Variants in GAB3 observed in about 807,000 individuals in gnomAD.
The protein encoded by GAB3 is GRB2 associated binding protein 3.
A neutral mutation model predicts 40.4 loss-of-function variants in GAB3; 12 were observed. The observed-to-expected ratio is 0.30, with a 90% confidence interval of 0.19 to 0.48. The LOEUF (loss-of-function observed/expected upper bound fraction) is 0.48. Ranked by LOEUF, GAB3 falls within the 20% of genes least tolerant of loss-of-function variation. GAB3 has a pLI of 0.99. For missense variants in GAB3, 381 were observed against 461.9 expected (o/e 0.82, Z 1.61); for synonymous variants, 154 against 176.7 (o/e 0.87, Z 1.02).
At chrX:154,682,543 G>A (rs1287834269) in intron 8 of GAB3, among the ~76,000 whole-genome samples, 5 of 111,140 alleles carry the variant, frequency 4.5e-5, no homozygotes, top group Non-Finnish European at 7.6e-5. Context: ...TCTATCAAAT[G>A]CTTTTTCTGC....
rs782654211 is a variant in GAB3, at chrX:154,699,327, G to C, written c.1312C>G (p.Pro438Ala). The change falls in exon 6 of 10, where the codon CCA becomes GCA. Residue 438 changes from proline to alanine, a missense_variant. Pro to Ala is a conservative substitution (Grantham distance 27). Around this residue, in one of 2 missense-constraint regions of GAB3, gnomAD observed 364 missense variants for 421.0 expected, o/e 0.86. Coordinates refer to ENST00000424127, the MANE Select transcript of GAB3 (RefSeq NM_001081573.3). ...TGAGGCTTGAGATCTCTATTCACTG[G>C]GGGAGGTTCCAGGTTTGCAGGCAGC... ...PELPANLEPP[P>A]VNRDLKPQRK... 1 of 1,210,417 alleles carries C rather than the reference G, an allele frequency of 8.3e-7. No individual in the cohort carries two copies. Among genetic ancestry groups the C allele is most frequent in the Admixed American group, 2.2e-5 (1 of 46,019 alleles).
chrX:154,740,772 ATATC>A lies in GAB3; in HGVS notation c.72+10178_72+10181del, dbSNP rs782107896. On this transcript the variant is annotated intron_variant, in intron 1 of 9. Transcript: ENST00000424127. ...CCATAACAGGAAAGAATTAAAGTAG[ATATC>A]TATCAACAGAATTCTCACTTAAGCT... Among the ~76,000 whole-genome samples, 14 of 112,085 alleles carry A rather than the reference ATATC, an allele frequency of 1.2e-4. No individual in the cohort carries two copies. In the East Asian group the frequency reaches 3.1e-3, roughly 25 times the overall value.
At chrX:154,691,547 T>G (rs1375135219) in intron 8 of GAB3, among the ~76,000 whole-genome samples, 2 of 112,175 alleles carry the variant, frequency 1.8e-5, no homozygotes, top group African/African-American at 6.5e-5. Context: ...AATGAAAAGA[T>G]ATCTGTGTTC....
intron 1 of GAB3, among the ~76,000 whole-genome samples, chrX:154,724,385 A>AATAT (rs2071182070): frequency 9.1e-6 from 1 of 109,505 alleles, no homozygotes; most frequent in Non-Finnish European, 1.9e-5. Context: ...TAAATAAATA[A>AATAT]AAATAAAATG....
At chrX:154,680,023 G>T in intron 9 of GAB3, 109 bp downstream of exon 9, 1 of 538,539 alleles carries the variant, frequency 1.9e-6, no homozygotes. Context: ...CATTATACAT[G>T]TCTGCATTTT....
intron 1 of GAB3, among the ~76,000 whole-genome samples, chrX:154,719,527 G>A (rs1179015651): frequency 3.6e-5 from 4 of 112,052 alleles, no homozygotes; most frequent in South Asian, 3.7e-4. Flanking sequence ...AAAACTTTGC[G>A]TAAGTAGTTC....
chrX:154,742,922 T>C (rs1557261494), intron 1 of GAB3, among the ~76,000 whole-genome samples: 1 of 107,969 alleles, frequency 9.3e-6, no homozygotes, highest in Non-Finnish European at 1.9e-5. Flanking sequence ...TGCATAACTG[T>C]ATAAATTTAC....
At chrX:154,733,204 T>C (rs929589030) in intron 1 of GAB3, among the ~76,000 whole-genome samples, 2 of 112,196 alleles carry the variant, frequency 1.8e-5, no homozygotes, top group African/African-American at 6.5e-5. Context: ...GTCCAGAATA[T>C]GTCAATATGC....
In GAB3 at chrX:154,712,239, T is replaced by C; in HGVS notation, c.1059A>G (p.Arg353=). The change falls in exon 4 of 10, where the codon AGA becomes AGG. Residue 353 remains arginine, a synonymous_variant. Transcript: ENST00000424127. ...RISLSGLDNM[R]TWKADVEGQS... ...GGACCCAACACTTACCTTTCCAGGT[T>C]CTCATGTTGTCTAAACCAGAGAGGG... 8.5e-7 allele frequency: 1 copy of C among 1,183,017 alleles called. No individual in the cohort carries two copies. The highest frequency in any genetic ancestry group is 1.1e-6 in the Non-Finnish European group (1 of 877,693).
intron 4 of GAB3, among the ~76,000 whole-genome samples, chrX:154,708,126 GGA>G (rs2070842624): frequency 8.9e-6 from 1 of 112,008 alleles, no homozygotes; most frequent in Non-Finnish European, 1.9e-5. Flanking sequence ...AATGGAGAAA[GGA>G]GAGTCTCTTC....
At chrX:154,709,514 T>C (rs2070886424) in intron 4 of GAB3, among the ~76,000 whole-genome samples, 1 of 109,202 alleles carries the variant, frequency 9.2e-6, no homozygotes, top group Non-Finnish European at 1.9e-5. Flanking sequence ...GAGACAGGGT[T>C]CCACCATATT....
chrX:154,702,002 G>GA (rs1335015449), intron 4 of GAB3, among the ~76,000 whole-genome samples: 2 of 111,283 alleles, frequency 1.8e-5, no homozygotes, highest in Non-Finnish European at 3.8e-5. Context: ...CACAGAAATA[G>GA]AAAAAAAATC....
rs1465892931 is a variant in GAB3 at position 154,699,366 on chromosome X, T to G, written c.1273A>C (p.Ser425Arg). The G allele has an allele frequency of 3.3e-6, 4 of 1,208,963 alleles. No homozygotes were observed. Among genetic ancestry groups the G allele is most frequent in the Non-Finnish European group, 4.5e-6 (4 of 894,466 alleles). ...TTTGCAGGCAGCTCAGGCAACGGGCTTGAGATGCTTCCTGAGTTCATTGGA... is the reference window on the plus strand; with the variant it reads ...TTTGCAGGCAGCTCAGGCAACGGGCGTGAGATGCTTCCTGAGTTCATTGGA... ...YIPMNSGSIS[S>R]PLPELPANLE... The change falls in exon 6 of 10, where the codon AGC (serine) becomes CGC (arginine). Residue 425 changes from serine to arginine, a missense_variant. Physicochemically the swap from Ser to Arg is moderately radical, Grantham distance 110. Transcript: ENST00000424127.
In GAB3 at chrX:154,676,880, A is replaced by C. The variant is rs1009038312; in HGVS notation, c.*1298T>G. On this transcript the variant is annotated 3_prime_UTR_variant, in exon 10 of 10. Transcript: ENST00000424127. ...GGACACTAAATAACACTTCATGCCC[A>C]ACTGACACCTTCATTCTGGGTCTCC... 3 of 111,678 alleles carry C rather than the reference A, an allele frequency of 2.7e-5. No individual in the cohort carries two copies. The highest frequency in any genetic ancestry group is 5.7e-5 in the Non-Finnish European group (3 of 53,093). The allele number at this position is 111,678 out of a possible 1,213,427, so 9.2% of individuals were successfully genotyped here.
chrX:154,715,362 C>T (rs1557257409), intron 2 of GAB3, among the ~76,000 whole-genome samples: 1 of 110,024 alleles, frequency 9.1e-6, no homozygotes, highest in African/African-American at 3.3e-5. Context: ...CCCTAGGTTA[C>T]AATATACCTG....
intron 4 of GAB3, among the ~76,000 whole-genome samples, chrX:154,701,016 T>C (rs1251301393): frequency 8.9e-6 from 1 of 111,919 alleles, no homozygotes; most frequent in East Asian, 2.8e-4. Flanking sequence ...TATATATCTA[T>C]GCTTACATAT....
intron 1 of GAB3, among the ~76,000 whole-genome samples, chrX:154,745,047 T>C (rs891595590): frequency 2.5e-4 from 28 of 112,188 alleles, no homozygotes; most frequent in African/African-American, 7.8e-4. Flanking sequence ...AGAAGGAAGA[T>C]TGGCCAGGTG....
chrX:154,750,802 T>G, intron 1 of GAB3, 152 bp downstream of exon 1: 1 of 212,432 alleles, frequency 4.7e-6, no homozygotes, highest in Non-Finnish European at 7.0e-6. Flanking sequence ...CGACGTGCGA[T>G]TTCGGTTTCC....
At chrX:154,688,285 G>GT (rs1423743011) in intron 8 of GAB3, among the ~76,000 whole-genome samples, 1,020 of 100,013 alleles carry the variant, frequency 0.01, 10 homozygotes, top group African/African-American at 0.031. Flanking sequence ...TTTTGTTTTT[G>GT]TTTTTTTTTT....
Sources: allele counts gnomAD v4.1 joint callset (sites outside exome capture counted in the v4.1 genomes callset), GRCh38; gene constraint gnomAD v4.1.1; regional missense constraint gnomAD v4.1.1; transcripts MANE v1.5; gene names NCBI Gene and HGNC (gene_info 2026-07-23, HGNC 2026-07-21).